FNTA: variants seen among roughly 807,000 people sequenced by gnomAD.
The protein encoded by FNTA is farnesyltransferase, CAAX box, subunit alpha.
In FNTA, 27 loss-of-function variants were observed where a neutral mutation model predicts 55.2. That is an observed-to-expected ratio of 0.49 (90% CI 0.36 to 0.67). FNTA has a LOEUF of 0.67. Ranked by LOEUF, FNTA falls within the 30% of genes least tolerant of loss-of-function variation. FNTA has a pLI of 0.00. For missense variants in FNTA, 422 were observed against 464.7 expected (o/e 0.91, Z 0.85); for synonymous variants, 176 against 170.7 (o/e 1.03, Z -0.24).
At position 43,056,423 on chromosome 8, in the gene FNTA, C is replaced by T. The variant is rs1167334340; in HGVS notation, c.77C>T (p.Pro26Leu). Residue 26 changes from proline to leucine, a missense_variant, in exon 1 of 9, where the codon CCG becomes CTG. Physicochemically the swap from Pro to Leu is moderately conservative, Grantham distance 98 (BLOSUM62 -3). Transcript: ENST00000302279. Reference sequence around the variant, plus strand: ...CAGCCGGCGCAACCCCCGCCCCAGCCGCACCCACCGCCGCCCCAGCAGCAG... The same window carrying T: ...CAGCCGGCGCAACCCCCGCCCCAGCTGCACCCACCGCCGCCCCAGCAGCAG... ...PGQPAQPPPQ[P>L]HPPPPQQQHK... 2.4e-5 allele frequency: 37 copies of T among 1,529,128 alleles called. No homozygotes were observed. The highest frequency in any genetic ancestry group is 3.2e-5 in the Non-Finnish European group (36 of 1,141,208). The allele number at this position is 1,529,128 out of a possible 1,614,324, so 94.7% of individuals were successfully genotyped here. A position where few individuals can be genotyped will look rare whatever the true frequency, so the allele number is the denominator to read the frequency against.
chr8:43,059,837 G>T (rs1424226704), intron 2 of FNTA, among the ~76,000 whole-genome samples: 1 of 152,034 alleles, frequency 6.6e-6, no homozygotes, highest in Non-Finnish European at 1.5e-5. Context: ...GACAATAAAT[G>T]TTTAAAAAAG....
At chr8:43,064,953 C>CAG (rs1354666828) in intron 3 of FNTA, among the ~76,000 whole-genome samples, 2 of 151,636 alleles carry the variant, frequency 1.3e-5, no homozygotes, top group Non-Finnish European at 2.9e-5. Context: ...TTTCCTGCCT[C>CAG]AGCCTCCCCA....
At chr8:43,081,455 A>G (rs1381873128) in intron 6 of FNTA, 1 of 152,214 alleles carries the variant, frequency 6.6e-6, no homozygotes, top group South Asian at 2.1e-4. Context: ...GAGACACTTC[A>G]TGAAGAACTT....
At chr8:43,076,801 C>G (rs563618851) in intron 5 of FNTA, 2 of 152,496 alleles carry the variant, frequency 1.3e-5, no homozygotes, top group African/African-American at 4.8e-5. Flanking sequence ...CGCTTGAACC[C>G]AGGAAGTGGA....
At position 43,056,465 on chromosome 8, in the gene FNTA, C is replaced by T; in HGVS notation, c.119C>T (p.Ala40Val). 2 of 1,567,438 alleles carry T rather than the reference C, an allele frequency of 1.3e-6. No homozygotes were observed. The highest frequency in any genetic ancestry group is 1.2e-5 in the South Asian group (1 of 84,510). The change falls in exon 1 of 9, where the codon GCG (alanine) becomes GTG (valine). Residue 40 changes from alanine to valine, a missense_variant. By Grantham distance (64) the Ala-to-Val change is moderately conservative. Around this residue, in one of 2 missense-constraint regions of FNTA, gnomAD observed 160 missense variants for 121.6 expected, o/e 1.32. Coordinates refer to ENST00000302279, the MANE Select transcript of FNTA (RefSeq NM_002027.3). ...CAGCAGCAGCACAAGGAAGAGATGGCGGCCGAGGCTGGGGAAGCCGTGGCG... is the reference window on the plus strand; with the variant it reads ...CAGCAGCAGCACAAGGAAGAGATGGTGGCCGAGGCTGGGGAAGCCGTGGCG... Reference protein sequence around the residue: ...PPQQQHKEEMAAEAGEAVASP... With the variant: ...PPQQQHKEEMVAEAGEAVASP...
intron 5 of FNTA, chr8:43,076,613 T>TA (rs1239037266): frequency 6.6e-6 from 1 of 152,224 alleles, no homozygotes; most frequent in South Asian, 2.1e-4. Flanking sequence ...TACGGTGGCT[T>TA]ACGCCTGTAA....
rs1810479692 is a variant in FNTA, at chr8:43,059,259, A to G, written c.286+82A>G. ...AATTCACAACTATGTAGCAAGATAG[A>G]TGACAAATTTCTGTCTAATAAAAAT... On this transcript the variant is annotated intron_variant, in intron 2 of 8. Transcript: ENST00000302279. 7 of 902,490 alleles carry G rather than the reference A, an allele frequency of 7.8e-6. No homozygotes were observed. The South Asian group carries it at 8.6e-5, about 11-fold the overall frequency. The allele number at this position is 902,490 out of a possible 1,614,324, so 55.9% of individuals were successfully genotyped here. A position where few individuals can be genotyped will look rare whatever the true frequency, so the allele number is the denominator to read the frequency against.
chr8:43,076,495 G>A (rs1400455387), intron 5 of FNTA, among the ~76,000 whole-genome samples: 1 of 152,154 alleles, frequency 6.6e-6, no homozygotes, highest in Non-Finnish European at 1.5e-5. Context: ...TTCTCTCCAT[G>A]TATTTTAATG....
chr8:43,074,304 C>T (rs997346547), intron 5 of FNTA, among the ~76,000 whole-genome samples: 17 of 152,166 alleles, frequency 1.1e-4, no homozygotes, highest in Admixed American at 3.3e-4. Flanking sequence ...CAAGTGGATC[C>T]CGTGAGGCCA....
chr8:43,069,681 G>C (rs1301193921), intron 4 of FNTA, 22 bp downstream of exon 4: 1 of 1,498,852 alleles, frequency 6.7e-7, no homozygotes, highest in East Asian at 2.3e-5. Flanking sequence ...GTCTAGCTGT[G>C]TCTCCCAGGC....
intron 5 of FNTA, among the ~76,000 whole-genome samples, chr8:43,072,700 C>G (rs1810819665): frequency 6.6e-6 from 1 of 152,060 alleles, no homozygotes. Context: ...GCAGTCTACC[C>G]TGGGCAGCAG....
chr8:43,059,331 G>T (rs991785357), intron 2 of FNTA, among the ~76,000 whole-genome samples, 154 bp downstream of exon 2: 1 of 152,186 alleles, frequency 6.6e-6, no homozygotes, highest in Non-Finnish European at 1.5e-5. Context: ...TTATGTGTGT[G>T]TGTGATTTAG....
In FNTA at chr8:43,082,587, A is replaced by G. The variant is rs1360335468; in HGVS notation, c.783-531A>G. ...TATGTTCCTTTTTTTCCTATTGTGA[A>G]TTGAAGCTTTTAGATTAGTTTTGTG... On this transcript the variant is annotated intron_variant, in intron 6 of 8. Coordinates refer to ENST00000302279, the MANE Select transcript of FNTA (RefSeq NM_002027.3). 7 of 152,288 alleles carry G rather than the reference A, an allele frequency of 4.6e-5. No homozygotes were observed. The East Asian group carries it at 9.6e-4, about 21-fold the overall frequency. 9.4% of individuals were successfully genotyped at this position (152,288 alleles called of 1,614,324 possible).
intron 6 of FNTA, chr8:43,078,305 G>T (rs1810954068): frequency 6.6e-6 from 1 of 151,550 alleles, no homozygotes; most frequent in South Asian, 2.1e-4. Flanking sequence ...AGGCATACCT[G>T]GTTTTTTGAG....
chr8:43,069,827 A>T (rs1810746445), intron 4 of FNTA, among the ~76,000 whole-genome samples, 168 bp downstream of exon 4: 1 of 151,748 alleles, frequency 6.6e-6, no homozygotes, highest in Admixed American at 6.6e-5. Context: ...TATTTTTAGT[A>T]GAGACGGGGT....
rs1811107684 is a variant in FNTA, at chr8:43,085,403, C to T, written c.*121C>T. The T allele has an allele frequency of 1.1e-6, 1 of 878,816 alleles. No individual in the cohort carries two copies. The highest frequency in any genetic ancestry group is 1.6e-5 in the South Asian group (1 of 61,736). 54.4% of individuals were successfully genotyped at this position (878,816 alleles called of 1,614,324 possible). A position where few individuals can be genotyped will look rare whatever the true frequency, so the allele number is the denominator to read the frequency against. ...GTAAAAGTGCATCACACAGGTATTG[C>T]TTTTTAACAAGAACTGATGCTCCTT... On this transcript the variant is annotated 3_prime_UTR_variant, in exon 9 of 9. Transcript: ENST00000302279.
intron 4 of FNTA, among the ~76,000 whole-genome samples, chr8:43,071,655 A>G (rs1036369447): frequency 1.3e-5 from 2 of 150,630 alleles, no homozygotes; most frequent in African/African-American, 2.4e-5. Flanking sequence ...CTGGGGGACA[A>G]TGCACTCCAG....
rs765961522 is a variant in FNTA, at chr8:43,056,553, C to A, written c.200+7C>A. On this transcript the variant is annotated splice_region_variant and intron_variant, in intron 1 of 8. Coordinates refer to ENST00000302279, the MANE Select transcript of FNTA (RefSeq NM_002027.3). ...CCTCCTATGTCCTGTACAGGTAACGCCCCCGCGGCGGCCGCGGCTCGGGAC... is the reference window on the plus strand; with the variant it reads ...CCTCCTATGTCCTGTACAGGTAACGACCCCGCGGCGGCCGCGGCTCGGGAC... 59 of 1,420,546 alleles carry A rather than the reference C, an allele frequency of 4.2e-5. No homozygotes were observed. The highest frequency in any genetic ancestry group is 4.8e-5 in the Non-Finnish European group (52 of 1,077,148). 88.0% of individuals were successfully genotyped at this position (1,420,546 alleles called of 1,614,324 possible). A position where few individuals can be genotyped will look rare whatever the true frequency, so the allele number is the denominator to read the frequency against.
chr8:43,080,670 T>C (rs953594327), intron 6 of FNTA: 4 of 152,194 alleles, frequency 2.6e-5, no homozygotes, highest in African/African-American at 4.8e-5. Flanking sequence ...TTATAAAAAA[T>C]TAAAAATACA....
Sources: gnomAD v4.1 joint callset for allele counts (sites outside exome capture counted in the v4.1 genomes callset) on GRCh38, gnomAD v4.1.1 for gene constraint, gnomAD v4.1.1 regional missense constraint, MANE v1.5 for transcripts, NCBI Gene and HGNC (gene_info 2026-07-23, HGNC 2026-07-21) for gene names.